The following TSHZ2 variants were observed in gnomAD, a reference collection of about 807,000 sequenced individuals.
The protein encoded by TSHZ2 is teashirt zinc finger homeobox 2, also known as teashirt homolog 2.
TSHZ2 carries 21 observed loss-of-function variants against 74.4 expected under a neutral mutation model. The observed-to-expected ratio is 0.28, with a 90% CI of 0.20 to 0.41. The LOEUF (loss-of-function observed/expected upper bound fraction) is 0.41, where lower values mean the gene tolerates loss of function less well. TSHZ2 is among the 10% of genes least tolerant of loss of function. TSHZ2 has a pLI of 1.00. For synonymous variants in TSHZ2, 540 were observed against 515.3 expected, an observed-to-expected ratio of 1.05 and a Z score of -0.65; for missense variants, 1,244 against 1,293.5, an observed-to-expected ratio of 0.96 and a Z score of 0.59.
rs74838303 is a variant in TSHZ2, at chr20:53,045,290, C to A, written c.40+71957C>A. The stretch of plus-strand genomic sequence containing the variant: ...TCTGGTCACATTTCTCTCAACCTTC[C>A]GTGATTTCAAAAGGGTGGGGAAGTG... On this transcript the variant is annotated intron_variant, in intron 1 of 2. Transcript: ENST00000371497. Among the ~76,000 whole-genome samples the A allele has an allele frequency of 1.4e-3, 214 of 152,248 alleles. 5 individuals carry two copies. In the East Asian group the frequency reaches 0.04, roughly 28 times the overall value.
In TSHZ2 at chr20:53,215,215, C is replaced by A. The variant is rs1189968129; in HGVS notation, c.41-38284C>A. On this transcript the variant is annotated intron_variant, in intron 1 of 2. Coordinates refer to ENST00000371497, the MANE Select transcript of TSHZ2 (RefSeq NM_173485.6). ...TGAGCCCACTTTTCCACGTGGCAAA[C>A]ACTGGTCTAAGTCCTTACAGCCCTG... Among the ~76,000 whole-genome samples, 5 of 152,088 alleles carry A rather than the reference C, an allele frequency of 3.3e-5. No homozygotes were observed. The East Asian group carries it at 9.6e-4, about 29-fold the overall frequency.
chr20:53,001,185 G>T lies in TSHZ2; in HGVS notation c.40+27852G>T, dbSNP rs537743205. On this transcript the variant is annotated intron_variant, in intron 1 of 2. Coordinates refer to ENST00000371497, the MANE Select transcript of TSHZ2 (RefSeq NM_173485.6). ...CCCGGTCTGGGTTTACAATGACAATGTTGTGTGTGCGTTCATGTGCGTGTG... is the reference window on the plus strand; with the variant it reads ...CCCGGTCTGGGTTTACAATGACAATTTTGTGTGTGCGTTCATGTGCGTGTG... 2.3e-4 allele frequency among the ~76,000 whole-genome samples: 25 copies of T among 107,092 alleles called. No individual in the cohort carries two copies. The South Asian group carries it at 6.9e-3, about 29-fold the overall frequency. 70.3% of individuals were successfully genotyped at this position (107,092 alleles called of 152,430 possible).
At chr20:53,155,155 G>A (rs551227875) in intron 1 of TSHZ2, among the ~76,000 whole-genome samples, 2 of 150,782 alleles carry the variant, frequency 1.3e-5, no homozygotes, top group East Asian at 3.9e-4. Context: ...GACTGCGTGG[G>A]TAGCTCACCT....
intron 1 of TSHZ2, among the ~76,000 whole-genome samples, chr20:52,976,493 T>C (rs1981344173): frequency 6.6e-6 from 1 of 152,232 alleles, no homozygotes; most frequent in Non-Finnish European, 1.5e-5. Flanking sequence ...ATTGCAGGAT[T>C]CAGTACCAGC....
intron 1 of TSHZ2, among the ~76,000 whole-genome samples, chr20:53,125,022 C>T (rs1168643132): frequency 6.6e-6 from 1 of 152,192 alleles, no homozygotes; most frequent in Non-Finnish European, 1.5e-5. Context: ...TTTACAAAAG[C>T]AGGCAGTGAC....
intron 1 of TSHZ2, among the ~76,000 whole-genome samples, chr20:53,124,860 G>A (rs1184029913): frequency 6.6e-6 from 1 of 152,168 alleles, no homozygotes; most frequent in Non-Finnish European, 1.5e-5. Context: ...ATTGTTAGGA[G>A]GTTAGCAAAC....
intron 1 of TSHZ2, among the ~76,000 whole-genome samples, chr20:52,994,562 T>C (rs892276205): frequency 2.0e-5 from 3 of 152,228 alleles, no homozygotes; most frequent in Admixed American, 6.5e-5. Context: ...TGTTGATTTC[T>C]GCCCGGATTT....
chr20:53,229,589 G>C (rs1487419925), intron 1 of TSHZ2, among the ~76,000 whole-genome samples: 1 of 152,174 alleles, frequency 6.6e-6, no homozygotes, highest in South Asian at 2.1e-4. Context: ...ACACACGGTA[G>C]GGGCTCAGCT....
At chr20:53,456,161 G>C (rs1027932948) in intron 2 of TSHZ2, among the ~76,000 whole-genome samples, 1 of 150,930 alleles carries the variant, frequency 6.6e-6, no homozygotes, top group African/African-American at 2.4e-5. Flanking sequence ...GGTTGAACTA[G>C]TTTACAGTCC....
chr20:53,015,307 G>C lies in TSHZ2; in HGVS notation c.40+41974G>C, dbSNP rs138111358. Among the ~76,000 whole-genome samples, 4 of 152,180 alleles carry C rather than the reference G, an allele frequency of 2.6e-5. No individual in the cohort carries two copies. In the East Asian group the frequency reaches 7.7e-4, roughly 29 times the overall value. Reference sequence around the variant, plus strand: ...TTACCTTGTGTATATTTCATTTCTTGTACGGGAACAGTGGTTCTCAACTGG... The same window carrying C: ...TTACCTTGTGTATATTTCATTTCTTCTACGGGAACAGTGGTTCTCAACTGG... On this transcript the variant is annotated intron_variant, in intron 1 of 2. Transcript: ENST00000371497.
chr20:53,083,089 A>G (rs990721838), intron 1 of TSHZ2, among the ~76,000 whole-genome samples: 4 of 152,218 alleles, frequency 2.6e-5, no homozygotes, highest in African/African-American at 9.6e-5. Context: ...CCTTCTGTGT[A>G]TAAAATGAAC....
At chr20:53,056,803 C>T (rs1984654633) in intron 1 of TSHZ2, among the ~76,000 whole-genome samples, 1 of 152,202 alleles carries the variant, frequency 6.6e-6, no homozygotes, top group African/African-American at 2.4e-5. Context: ...TCCTCTCTCT[C>T]ATGTGCCTGA....
At chr20:53,444,826 G>A (rs774395017) in intron 2 of TSHZ2, among the ~76,000 whole-genome samples, 12 of 152,146 alleles carry the variant, frequency 7.9e-5, no homozygotes, top group Non-Finnish European at 1.8e-4. Context: ...CAACCAGCTG[G>A]AGCATCTTTA....
chr20:53,120,808 A>G (rs867771888), intron 1 of TSHZ2, among the ~76,000 whole-genome samples: 2 of 152,230 alleles, frequency 1.3e-5, no homozygotes, highest in African/African-American at 4.8e-5. Flanking sequence ...GCCAAGTGCT[A>G]TCAAGCCCTG....
At chr20:53,242,894 G>T (rs575037667) in intron 1 of TSHZ2, among the ~76,000 whole-genome samples, 1 of 152,302 alleles carries the variant, frequency 6.6e-6, no homozygotes, top group African/African-American at 2.4e-5. Flanking sequence ...GTATAGCAAT[G>T]GGATACAGTG....
At chr20:53,428,559 T>C (rs1983732961) in intron 2 of TSHZ2, among the ~76,000 whole-genome samples, 1 of 152,206 alleles carries the variant, frequency 6.6e-6, no homozygotes, top group African/African-American at 2.4e-5. Flanking sequence ...AGATAACTTA[T>C]TCCCAATCAT....
chr20:53,310,274 C>A (rs1472909253), intron 2 of TSHZ2, among the ~76,000 whole-genome samples: 1 of 152,148 alleles, frequency 6.6e-6, no homozygotes, highest in Non-Finnish European at 1.5e-5. Flanking sequence ...AGAACAAATG[C>A]ATTTACCTCT....
chr20:53,392,183 A>G (rs909041047), intron 2 of TSHZ2, among the ~76,000 whole-genome samples: 3 of 152,188 alleles, frequency 2.0e-5, no homozygotes, highest in African/African-American at 7.2e-5. Context: ...GGCCAGGTGC[A>G]GTGGCTAACA....
intron 2 of TSHZ2, among the ~76,000 whole-genome samples, chr20:53,461,134 C>G (rs1227584762): frequency 1.9e-4 from 29 of 152,206 alleles, no homozygotes; most frequent in African/African-American, 6.0e-4. Context: ...GCGCCCCTCC[C>G]CCAGCCTCGC....
Sources: gnomAD v4.1 joint callset for allele counts (sites outside exome capture counted in the v4.1 genomes callset) on GRCh38, gnomAD v4.1.1 for gene constraint, MANE v1.5 for transcripts, NCBI Gene and HGNC (gene_info 2026-07-23, HGNC 2026-07-21) for gene names.